Variants in NTRK3 observed in about 807,000 individuals in gnomAD.
NTRK3 encodes neurotrophic receptor tyrosine kinase 3.
NTRK3 carries 24 observed loss-of-function variants against 91.7 expected under a neutral mutation model. The observed-to-expected ratio is 0.26, with a 90% CI of 0.19 to 0.37. The LOEUF is 0.37. Among genes scored for constraint, NTRK3 ranks in the 10% least tolerant of loss-of-function variants. NTRK3 has a pLI of 1.00. For synonymous variants in NTRK3, 483 were observed against 404.0 expected, an observed-to-expected ratio of 1.20 and a Z score of -2.34; for missense variants, 880 against 1,068.9, an observed-to-expected ratio of 0.82 and a Z score of 2.46.
At chr15:87,889,945 C>CATTGATTT (rs1555430506) in intron 17 of NTRK3, among the ~76,000 whole-genome samples, 2 of 139,190 alleles carry the variant, frequency 1.4e-5, no homozygotes, top group Non-Finnish European at 3.1e-5. Context: ...CCCAACTTTC[C>CATTGATTT]ATTTATTTAT....
chr15:88,057,070 G>A (rs997257401), intron 13 of NTRK3, among the ~76,000 whole-genome samples: 2 of 150,956 alleles, frequency 1.3e-5, no homozygotes, highest in African/African-American at 4.9e-5. Flanking sequence ...ACGGGAGGCT[G>A]AGGCAGGAGA....
chr15:87,863,255 TAA>T (rs2064572354), exon 19 of NTRK3: 1 of 226,194 alleles, frequency 4.4e-6, no homozygotes, highest in Non-Finnish European at 8.8e-6. Context: ...ACCTTAAGAA[TAA>T]AGTCTTCCAA....
At chr15:88,169,454 C>G (rs1034387935) in intron 5 of NTRK3, among the ~76,000 whole-genome samples, 6 of 152,130 alleles carry the variant, frequency 3.9e-5, no homozygotes, top group Admixed American at 3.9e-4. Context: ...GCCACAGAGG[C>G]ATCAGATACC....
At chr15:87,945,978 A>G (rs930542653) in intron 14 of NTRK3, among the ~76,000 whole-genome samples, 9 of 152,240 alleles carry the variant, frequency 5.9e-5, no homozygotes, top group Non-Finnish European at 1.3e-4. Context: ...GATAATAAAG[A>G]TGATATAAAA....
chr15:88,017,481 C>A (rs1402791328), intron 14 of NTRK3, among the ~76,000 whole-genome samples: 2 of 152,226 alleles, frequency 1.3e-5, no homozygotes, highest in East Asian at 3.9e-4. Flanking sequence ...ACAACTTCTG[C>A]TCTTAACTTC....
intron 14 of NTRK3, among the ~76,000 whole-genome samples, chr15:88,001,655 A>G (rs544828689): frequency 6.6e-6 from 1 of 152,320 alleles, no homozygotes; most frequent in Admixed American, 6.5e-5. Flanking sequence ...CCGCAAAAGT[A>G]CAAGTCTATT....
At chr15:87,972,163 T>C (rs2073313840) in intron 14 of NTRK3, among the ~76,000 whole-genome samples, 1 of 152,182 alleles carries the variant, frequency 6.6e-6, no homozygotes, top group African/African-American at 2.4e-5. Context: ...AATAGGCCAC[T>C]TGCTCCAGTG....
At chr15:87,879,328 G>A (rs924439666) in intron 18 of NTRK3, among the ~76,000 whole-genome samples, 16 of 152,228 alleles carry the variant, frequency 1.1e-4, no homozygotes, top group African/African-American at 3.9e-4. Flanking sequence ...TCATAGGGAT[G>A]TTTCATAGGT....
At chr15:88,187,353 C>T (rs767429188) in intron 3 of NTRK3, among the ~76,000 whole-genome samples, 3 of 152,180 alleles carry the variant, frequency 2.0e-5, no homozygotes, top group Non-Finnish European at 2.9e-5. Flanking sequence ...GAGGCCCTGA[C>T]ATTTCCGGAT....
At chr15:87,894,904 G>C (rs978206667) in intron 17 of NTRK3, among the ~76,000 whole-genome samples, 1 of 152,014 alleles carries the variant, frequency 6.6e-6, no homozygotes, top group Non-Finnish European at 1.5e-5. Context: ...CAGTTCTTTG[G>C]CTCTCTTCTC....
In NTRK3 at chr15:87,933,005, T is replaced by C; in HGVS notation, c.1889+7A>G. On this transcript the variant is annotated splice_region_variant and intron_variant, in intron 16 of 18. Transcript: ENST00000394480. ...GTCAGGTGCAGGGGAAGACAATCCT[T>C]GCTTACCTGAGGAACTTATTCAGGT... The C allele has an allele frequency of 6.2e-7, 1 of 1,613,944 alleles. No homozygotes were observed. Among genetic ancestry groups the C allele is most frequent in the Admixed American group, 1.7e-5 (1 of 59,998 alleles).
intron 13 of NTRK3, among the ~76,000 whole-genome samples, chr15:88,119,092 C>A (rs2052422082): frequency 1.3e-5 from 2 of 152,346 alleles, no homozygotes; most frequent in Middle Eastern, 3.4e-3. Flanking sequence ...CAGTTGGTTC[C>A]CTGGAGTCTT....
exon 19 of NTRK3, chr15:87,860,863 T>G (rs1264235282): frequency 4.6e-6 from 1 of 218,542 alleles, no homozygotes; most frequent in Admixed American, 5.8e-5. Flanking sequence ...AACTATCAAT[T>G]GGGATTAAAA....
chr15:88,196,300 A>T (rs564186602), intron 3 of NTRK3, among the ~76,000 whole-genome samples: 2 of 152,296 alleles, frequency 1.3e-5, no homozygotes, highest in African/African-American at 4.8e-5. Flanking sequence ...CATCAGAAAG[A>T]CAAGATCACA....
At chr15:87,920,808 C>T (rs1475340396) in intron 17 of NTRK3, among the ~76,000 whole-genome samples, 1 of 152,160 alleles carries the variant, frequency 6.6e-6, no homozygotes, top group African/African-American at 2.4e-5. Context: ...AAAGGAGAGA[C>T]TGTGGGCAAT....
exon 19 of NTRK3, chr15:87,875,693 T>G: frequency 4.3e-6 from 1 of 232,786 alleles, no homozygotes; most frequent in Non-Finnish European, 8.5e-6. Flanking sequence ...CCAAGTAGAT[T>G]CTCCCCTGCT....
At chr15:87,952,990 G>C (rs2071295790) in intron 14 of NTRK3, among the ~76,000 whole-genome samples, 1 of 152,150 alleles carries the variant, frequency 6.6e-6, no homozygotes, top group Admixed American at 6.5e-5. Flanking sequence ...GCAGCCAGCA[G>C]ATTCGTTCCG....
intron 14 of NTRK3, among the ~76,000 whole-genome samples, chr15:87,946,874 C>CTTTTTT (rs560114979): frequency 1.5e-3 from 130 of 85,422 alleles, no homozygotes; most frequent in Non-Finnish European, 2.0e-3. Flanking sequence ...TTCGTGGGTT[C>CTTTTTT]TTTTTTTTTT....
chr15:87,876,677 C>T (rs2064960080), exon 19 of NTRK3: 1 of 217,200 alleles, frequency 4.6e-6, no homozygotes, highest in East Asian at 6.9e-5. Context: ...GAGAAGGTAA[C>T]TCTCTGTAGA....
Sources: allele counts gnomAD v4.1 joint callset (sites outside exome capture counted in the v4.1 genomes callset), GRCh38; gene constraint gnomAD v4.1.1; transcripts MANE v1.5; gene names NCBI Gene and HGNC (gene_info 2026-07-23, HGNC 2026-07-21).